The following RNF150 variants were observed in gnomAD, a reference collection of about 807,000 sequenced individuals.
RNF150 encodes ring finger protein 150.
Under a neutral mutation model 39.3 loss-of-function variants are expected in RNF150, and 24 were observed. That is an observed-to-expected ratio of 0.61 (90% CI 0.44 to 0.86). RNF150 has a LOEUF of 0.86. RNF150 is among the 40% of genes least tolerant of loss of function. RNF150 has a pLI of 0.00. For synonymous variants in RNF150, 255 were observed against 227.3 expected (o/e 1.12, Z -1.10); for missense variants, 502 against 587.8 (o/e 0.85, Z 1.51).
chr4:141,000,589 T>A (rs1349540085), intron 1 of RNF150, among the ~76,000 whole-genome samples: 1 of 152,238 alleles, frequency 6.6e-6, no homozygotes, highest in Non-Finnish European at 1.5e-5. Context: ...ACATTTTATG[T>A]CAAAATCAAG....
chr4:141,055,517 C>T (rs1736934226), intron 1 of RNF150, among the ~76,000 whole-genome samples: 1 of 152,042 alleles, frequency 6.6e-6, no homozygotes, highest in South Asian at 2.1e-4. Context: ...GTTAGAATTG[C>T]TCATAACAGA....
At chr4:140,958,245 G>C (rs1732860840) in intron 2 of RNF150, among the ~76,000 whole-genome samples, 1 of 152,078 alleles carries the variant, frequency 6.6e-6, no homozygotes, top group African/African-American at 2.4e-5. Flanking sequence ...ATGGGTAGGA[G>C]GGGGGTGCTG....
intron 1 of RNF150, among the ~76,000 whole-genome samples, chr4:141,024,717 G>A (rs993234040): frequency 6.6e-6 from 1 of 152,238 alleles, no homozygotes; most frequent in South Asian, 2.1e-4. Context: ...TTCCCGGTAT[G>A]GGATAAAATA....
At chr4:141,183,359 C>T (rs1727943975) in intron 1 of RNF150, among the ~76,000 whole-genome samples, 1 of 151,850 alleles carries the variant, frequency 6.6e-6, no homozygotes, top group Admixed American at 6.6e-5. Context: ...GGTATATATG[C>T]CTTATGTAAT....
At chr4:141,013,005 AT>A (rs1438561093) in intron 1 of RNF150, among the ~76,000 whole-genome samples, 1 of 152,170 alleles carries the variant, frequency 6.6e-6, no homozygotes, top group African/African-American at 2.4e-5. Flanking sequence ...CTGAATCTTG[AT>A]TGAAAACAAA....
chr4:141,065,917 G>T (rs1051063651), intron 1 of RNF150, among the ~76,000 whole-genome samples: 1 of 151,954 alleles, frequency 6.6e-6, no homozygotes, highest in African/African-American at 2.4e-5. Context: ...GAAATCAGCT[G>T]GAATCCTCTC....
rs749317137 is a variant in RNF150 at position 141,027,912 on chromosome 4, GTTT to G, written c.485-60042_485-60040del. ...TAGATAGTTAATGAGCTTGGAATTT[GTTT>G]TTTTTTTTTTGTTTTTTTTTTTTTT... On this transcript the variant is annotated intron_variant, in intron 1 of 6. Coordinates refer to ENST00000515673, the MANE Select transcript of RNF150 (RefSeq NM_020724.2). 1.8e-4 allele frequency among the ~76,000 whole-genome samples: 5 copies of G among 27,102 alleles called. 1 individual carries two copies. Among genetic ancestry groups the G allele is most frequent in the Non-Finnish European group, 4.3e-4 (5 of 11,596 alleles). 17.8% of individuals were successfully genotyped at this position (27,102 alleles called of 152,430 possible). A position where few individuals can be genotyped will look rare whatever the true frequency, so the allele number is the denominator to read the frequency against.
intron 4 of RNF150, among the ~76,000 whole-genome samples, chr4:140,932,202 T>A (rs933546931): frequency 2.6e-5 from 4 of 152,236 alleles, no homozygotes; most frequent in African/African-American, 9.6e-5. Flanking sequence ...CTAGTACTTC[T>A]ATGCATACCC....
chr4:141,094,370 G>A (rs1383926874), intron 1 of RNF150, among the ~76,000 whole-genome samples: 4 of 152,204 alleles, frequency 2.6e-5, no homozygotes, highest in African/African-American at 9.6e-5. Flanking sequence ...TTTCTCAACA[G>A]CAACAGTGGA....
rs78156669 is a variant in RNF150, at chr4:140,926,715, G to A, written c.891-642C>T. Among the ~76,000 whole-genome samples, 779 of 152,226 alleles carry A rather than the reference G, an allele frequency of 5.1e-3. 8 individuals carry two copies. Among genetic ancestry groups the A allele is most frequent in the African/African-American group, 0.018 (735 of 41,522 alleles). On this transcript the variant is annotated intron_variant, in intron 4 of 6. Coordinates refer to ENST00000515673, the MANE Select transcript of RNF150 (RefSeq NM_020724.2). ...CCAATCATTACTAGCTTTTATCTTCGTGGCAGAAGGGGCATTTGGTGGCTA... is the reference window on the plus strand; with the variant it reads ...CCAATCATTACTAGCTTTTATCTTCATGGCAGAAGGGGCATTTGGTGGCTA...
intron 1 of RNF150, among the ~76,000 whole-genome samples, chr4:141,092,412 C>G (rs918370680): frequency 6.6e-6 from 1 of 151,892 alleles, no homozygotes; most frequent in Non-Finnish European, 1.5e-5. Flanking sequence ...AAGGGAAATA[C>G]AAGCAATATC....
At chr4:141,194,735 G>A (rs1036015658) in intron 1 of RNF150, among the ~76,000 whole-genome samples, 4 of 152,088 alleles carry the variant, frequency 2.6e-5, no homozygotes, top group African/African-American at 9.7e-5. Context: ...TAAATAGGCT[G>A]GCTTAGAGAA....
At chr4:140,989,850 C>T (rs1734136912) in intron 1 of RNF150, among the ~76,000 whole-genome samples, 1 of 151,974 alleles carries the variant, frequency 6.6e-6, no homozygotes, top group Non-Finnish European at 1.5e-5. Context: ...CAGGCTGGTT[C>T]CACCCAGCTA....
At chr4:141,052,864 T>C (rs1433620861) in intron 1 of RNF150, among the ~76,000 whole-genome samples, 2 of 152,142 alleles carry the variant, frequency 1.3e-5, no homozygotes, top group African/African-American at 4.8e-5. Flanking sequence ...ATCTCCCAAG[T>C]TTTGAAATAC....
At chr4:140,917,019 C>T (rs1730862282) in intron 5 of RNF150, among the ~76,000 whole-genome samples, 1 of 152,118 alleles carries the variant, frequency 6.6e-6, no homozygotes, top group East Asian at 1.9e-4. Context: ...ACCAGGCCTG[C>T]CCTAAAAGAG....
chr4:141,073,784 G>A (rs1161902590), intron 1 of RNF150, among the ~76,000 whole-genome samples: 1 of 152,112 alleles, frequency 6.6e-6, no homozygotes, highest in Non-Finnish European at 1.5e-5. Flanking sequence ...CTAGCTATAA[G>A]GAAGGGTGGA....
At chr4:140,978,319 C>G (rs1245587306) in intron 1 of RNF150, among the ~76,000 whole-genome samples, 1 of 151,926 alleles carries the variant, frequency 6.6e-6, no homozygotes, top group Non-Finnish European at 1.5e-5. Context: ...TTTGTCATTA[C>G]AGTTAGAGCT....
At chr4:141,134,751 T>TA (rs1473844823), upstream of RNF150, among the ~76,000 whole-genome samples, 28 of 152,344 alleles carry the variant, frequency 1.8e-4, no homozygotes, top group African/African-American at 6.5e-4. Flanking sequence ...CAGTGCTTTT[T>TA]ATAGCGCTTA....
At chr4:140,914,334 G>T (rs1730731450) in intron 5 of RNF150, among the ~76,000 whole-genome samples, 1 of 152,158 alleles carries the variant, frequency 6.6e-6, no homozygotes, top group Admixed American at 6.5e-5. Flanking sequence ...ACAATATTTT[G>T]AAAAGAAACC....
Sources: gnomAD v4.1 joint callset for allele counts (sites outside exome capture counted in the v4.1 genomes callset) on GRCh38, gnomAD v4.1.1 for gene constraint, MANE v1.5 for transcripts, NCBI Gene and HGNC (gene_info 2026-07-23, HGNC 2026-07-21) for gene names.